Variants in CDH12 observed in about 807,000 individuals in gnomAD.
The protein encoded by CDH12 is cadherin 12, also known as cadherin-12.
Under a neutral mutation model 74.1 loss-of-function variants are expected in CDH12, and 41 were observed. The ratio of observed to expected loss-of-function variants is 0.55; its 90% CI spans 0.43 to 0.72. The LOEUF (loss-of-function observed/expected upper bound fraction) is 0.72. CDH12 is among the 30% of genes least tolerant of loss of function. CDH12 has a pLI of 0.00. For missense variants in CDH12, 945 were observed against 977.2 expected, an observed-to-expected ratio of 0.97 and a Z score of 0.44; for synonymous variants, 399 against 355.0, an observed-to-expected ratio of 1.12 and a Z score of -1.39.
intron 1 of CDH12, among the ~76,000 whole-genome samples, chr5:22,650,515 A>T (rs757292873): frequency 2.6e-5 from 4 of 152,066 alleles, no homozygotes; most frequent in African/African-American, 9.7e-5. Flanking sequence ...ATGTTCTTTC[A>T]ACACAAAATC....
intron 3 of CDH12, among the ~76,000 whole-genome samples, chr5:22,219,898 A>T (rs1751953386): frequency 6.6e-6 from 1 of 151,806 alleles, no homozygotes; most frequent in Admixed American, 6.6e-5. Context: ...GATAACTCAC[A>T]AATGAGCTAC....
chr5:22,230,837 C>T (rs184276490), intron 3 of CDH12, among the ~76,000 whole-genome samples: 2 of 152,238 alleles, frequency 1.3e-5, no homozygotes, highest in Admixed American at 1.3e-4. Context: ...ATCTCCTCTA[C>T]TTCCTCCACC....
chr5:21,899,857 T>A (rs1753302084), intron 6 of CDH12, among the ~76,000 whole-genome samples: 1 of 151,966 alleles, frequency 6.6e-6, no homozygotes, highest in Non-Finnish European at 1.5e-5. Context: ...ATACTTGTGA[T>A]AGAATTCATT....
chr5:22,114,800 T>C (rs1334677535), intron 4 of CDH12, among the ~76,000 whole-genome samples: 1 of 152,150 alleles, frequency 6.6e-6, no homozygotes, highest in Non-Finnish European at 1.5e-5. Flanking sequence ...ATCCAGGATA[T>C]TAGTACATTA....
chr5:22,606,571 G>A (rs780690201), intron 1 of CDH12, among the ~76,000 whole-genome samples: 63 of 152,170 alleles, frequency 4.1e-4, no homozygotes, highest in Non-Finnish European at 5.6e-4. Flanking sequence ...CTCTCCTGCA[G>A]CCCTGTGAAG....
chr5:22,602,058 G>A (rs1736876977), intron 1 of CDH12, among the ~76,000 whole-genome samples: 1 of 152,092 alleles, frequency 6.6e-6, no homozygotes, highest in Admixed American at 6.6e-5. Flanking sequence ...GCAATTGAAT[G>A]AGATGGTCAT....
chr5:22,230,798 T>G (rs1752356144), intron 3 of CDH12, among the ~76,000 whole-genome samples: 1 of 152,098 alleles, frequency 6.6e-6, no homozygotes, highest in Non-Finnish European at 1.5e-5. Flanking sequence ...AGATGATGCA[T>G]GGAGGAAGAA....
At chr5:21,888,671 T>C (rs771837038) in intron 6 of CDH12, among the ~76,000 whole-genome samples, 1 of 152,264 alleles carries the variant, frequency 6.6e-6, no homozygotes, top group Non-Finnish European at 1.5e-5. Context: ...GTATTTGTGA[T>C]AATACTTTTA....
At chr5:22,649,101 G>GT (rs1723697737) in intron 1 of CDH12, among the ~76,000 whole-genome samples, 1 of 151,900 alleles carries the variant, frequency 6.6e-6, no homozygotes, top group Admixed American at 6.6e-5. Context: ...AAATGATACT[G>GT]TCAAAAAAGG....
At chr5:22,764,046 A>G (rs897907308) in intron 1 of CDH12, among the ~76,000 whole-genome samples, 1 of 140,950 alleles carries the variant, frequency 7.1e-6, no homozygotes, top group Non-Finnish European at 1.6e-5. Flanking sequence ...ATACAAAACC[A>G]GTGAAAGTTT....
chr5:22,255,048 T>G (rs971665948), intron 3 of CDH12, among the ~76,000 whole-genome samples: 2 of 151,936 alleles, frequency 1.3e-5, no homozygotes, highest in East Asian at 3.9e-4. Flanking sequence ...TTTCCACTAC[T>G]TTTCCAGCCT....
At chr5:22,226,550 C>T (rs1392376237) in intron 3 of CDH12, among the ~76,000 whole-genome samples, 1 of 152,026 alleles carries the variant, frequency 6.6e-6, no homozygotes, top group Non-Finnish European at 1.5e-5. Context: ...CTTAATTCTG[C>T]TGATAACCTG....
chr5:22,678,044 T>TC (rs140824231), intron 1 of CDH12, among the ~76,000 whole-genome samples: 1 of 135,216 alleles, frequency 7.4e-6, no homozygotes, highest in East Asian at 2.3e-4. Flanking sequence ...ACCATCCTCA[T>TC]GGGGGGGGGG....
At chr5:22,844,096 T>A (rs1737197344) in intron 1 of CDH12, among the ~76,000 whole-genome samples, 1 of 152,096 alleles carries the variant, frequency 6.6e-6, no homozygotes, top group Admixed American at 6.6e-5. Context: ...TGCCTGTCAT[T>A]CTGTTCCGGA....
At chr5:21,997,472 T>G (rs185954803) in intron 5 of CDH12, among the ~76,000 whole-genome samples, 2 of 152,278 alleles carry the variant, frequency 1.3e-5, no homozygotes, top group East Asian at 3.9e-4. Flanking sequence ...CTCTTCATTT[T>G]CTATGTCAAA....
intron 6 of CDH12, among the ~76,000 whole-genome samples, chr5:21,861,415 T>A (rs1283126272): frequency 1.3e-5 from 2 of 152,024 alleles, no homozygotes; most frequent in Non-Finnish European, 2.9e-5. Flanking sequence ...TTAACTAAAA[T>A]AAAAATATAC....
At chr5:22,460,625 G>A (rs185634706) in intron 2 of CDH12, among the ~76,000 whole-genome samples, 2 of 150,738 alleles carry the variant, frequency 1.3e-5, no homozygotes, top group East Asian at 3.9e-4. Context: ...AATATCAAGA[G>A]TCTGGGAAAT....
chr5:22,190,415 C>CT (rs1554019190), intron 4 of CDH12, among the ~76,000 whole-genome samples: 1 of 151,730 alleles, frequency 6.6e-6, no homozygotes, highest in Non-Finnish European at 1.5e-5. Context: ...CTCTATCCAT[C>CT]TTTTTTTCCC....
intron 2 of CDH12, among the ~76,000 whole-genome samples, chr5:22,450,586 A>G (rs1259859188): frequency 6.6e-6 from 1 of 151,880 alleles, no homozygotes; most frequent in Admixed American, 6.6e-5. Flanking sequence ...ATAATCTTGC[A>G]CTTGGACTAC....
Sources: gnomAD v4.1 joint callset for allele counts (sites outside exome capture counted in the v4.1 genomes callset) on GRCh38, gnomAD v4.1.1 for gene constraint, MANE v1.5 for transcripts, NCBI Gene and HGNC (gene_info 2026-07-23, HGNC 2026-07-21) for gene names.